SPOCK1: variants seen among roughly 807,000 people sequenced by gnomAD.
The protein encoded by SPOCK1 is testican-1.
SPOCK1 carries 23 observed loss-of-function variants against 55.3 expected under a neutral mutation model. That is an observed-to-expected ratio of 0.42 (90% CI 0.30 to 0.59). The LOEUF is 0.59. Among genes scored for constraint, SPOCK1 ranks in the 20% least tolerant of loss-of-function variants. The pLI, the probability that SPOCK1 is intolerant of heterozygous loss-of-function variation, is 0.22. For synonymous variants in SPOCK1, 226 were observed against 221.0 expected, an observed-to-expected ratio of 1.02 and a Z score of -0.20; for missense variants, 499 against 552.5, an observed-to-expected ratio of 0.90 and a Z score of 0.97.
intron 2 of SPOCK1, among the ~76,000 whole-genome samples, chr5:137,382,586 G>A (rs1439829911): frequency 6.6e-6 from 1 of 152,184 alleles, no homozygotes; most frequent in East Asian, 1.9e-4. Flanking sequence ...AGAAGGTGAA[G>A]GGGAAGCAAG....
intron 2 of SPOCK1, among the ~76,000 whole-genome samples, chr5:137,491,572 C>T (rs1332271919): frequency 6.6e-6 from 1 of 152,124 alleles, no homozygotes; most frequent in Admixed American, 6.6e-5. Context: ...GGACACCAAG[C>T]TATATACAAT....
intron 5 of SPOCK1, among the ~76,000 whole-genome samples, chr5:137,082,003 T>G (rs1036584074): frequency 3.9e-5 from 6 of 152,230 alleles, no homozygotes; most frequent in Non-Finnish European, 7.3e-5. Context: ...TCCCAGAGCC[T>G]GATGAAAGGA....
At position 137,340,271 on chromosome 5, in the gene SPOCK1, A is replaced by G. The variant is rs143082747; in HGVS notation, c.187-73216T>C. Among the ~76,000 whole-genome samples, 283 of 152,242 alleles carry G rather than the reference A, an allele frequency of 1.9e-3. No individual in the cohort carries two copies. The Middle Eastern group carries it at 0.037, about 20-fold the overall frequency. On this transcript the variant is annotated intron_variant, in intron 2 of 10. Coordinates refer to ENST00000394945, the MANE Select transcript of SPOCK1 (RefSeq NM_004598.4). Reference sequence around the variant, plus strand: ...CAGGTGCAATGCATCATTACCTGACACTGGCCGCCTGAACTTTTCTACTGA... The same window carrying G: ...CAGGTGCAATGCATCATTACCTGACGCTGGCCGCCTGAACTTTTCTACTGA...
chr5:137,179,227 C>G (rs1754920787), intron 3 of SPOCK1, among the ~76,000 whole-genome samples: 1 of 152,160 alleles, frequency 6.6e-6, no homozygotes, highest in African/African-American at 2.4e-5. Context: ...CTACCCATAT[C>G]CAGTGAAAAA....
chr5:137,409,837 A>G (rs1287051117), intron 2 of SPOCK1, among the ~76,000 whole-genome samples: 2 of 152,228 alleles, frequency 1.3e-5, no homozygotes, highest in Admixed American at 1.3e-4. Context: ...AGGCTCACTA[A>G]TAAGTGCTGA....
chr5:137,368,832 C>A (rs1351193251), intron 2 of SPOCK1, among the ~76,000 whole-genome samples: 3 of 152,330 alleles, frequency 2.0e-5, no homozygotes, highest in African/African-American at 7.2e-5. Flanking sequence ...TGGTCCGCTC[C>A]CTTATTAATC....
chr5:137,346,919 G>C lies in SPOCK1; in HGVS notation c.187-79864C>G, dbSNP rs74420308. Among the ~76,000 whole-genome samples the C allele has an allele frequency of 0.011, 1,608 of 152,284 alleles. 168 individuals are homozygous for C. In the East Asian group the frequency reaches 0.25, roughly 24 times the overall value. ...GGCAGACTCCAGAATGTGAGAGTCA[G>C]AAAAAGTTACTCAGACCTCCTGCAG... On this transcript the variant is annotated intron_variant, in intron 2 of 10. Coordinates refer to ENST00000394945, the MANE Select transcript of SPOCK1 (RefSeq NM_004598.4).
At chr5:137,084,735 GA>G (rs1255939308) in intron 5 of SPOCK1, among the ~76,000 whole-genome samples, 4 of 152,082 alleles carry the variant, frequency 2.6e-5, no homozygotes, top group African/African-American at 9.6e-5. Context: ...AAACAGAAAA[GA>G]AAAGAGAAGA....
At chr5:137,271,407 ATATT>A (rs1433198314) in intron 2 of SPOCK1, among the ~76,000 whole-genome samples, 3 of 149,018 alleles carry the variant, frequency 2.0e-5, no homozygotes, top group Non-Finnish European at 3.0e-5. Context: ...TATTAAAGAT[ATATT>A]TATTATATAT....
chr5:137,438,650 GCA>G (rs3072679), intron 2 of SPOCK1, among the ~76,000 whole-genome samples: 28 of 150,784 alleles, frequency 1.9e-4, no homozygotes, highest in African/African-American at 5.6e-4. Flanking sequence ...ATTTGCATAT[GCA>G]CACACACACA....
chr5:137,472,383 A>G (rs1291287827), intron 2 of SPOCK1, among the ~76,000 whole-genome samples: 6 of 152,196 alleles, frequency 3.9e-5, no homozygotes, highest in Non-Finnish European at 1.5e-5. Context: ...TGTACAAAAA[A>G]AAAAAAGCTC....
chr5:136,981,094 A>C (rs1228818203), intron 9 of SPOCK1, among the ~76,000 whole-genome samples: 1 of 152,186 alleles, frequency 6.6e-6, no homozygotes, highest in Non-Finnish European at 1.5e-5. Context: ...CCACATGGAA[A>C]ACCCTTAGAA....
chr5:137,267,001 A>G lies in SPOCK1; in HGVS notation c.232+9T>C. On this transcript the variant is annotated intron_variant, in intron 3 of 10. Transcript: ENST00000394945. ...CAGACTATACAGCAAGAAATATTGC[A>G]TCCATTACCTTGGTCAAAGGGCTTG... is the stretch of plus-strand genomic sequence containing the variant. The G allele has an allele frequency of 6.2e-7, 1 of 1,610,684 alleles. No individual in the cohort carries two copies. The highest frequency in any genetic ancestry group is 8.5e-7 in the Non-Finnish European group (1 of 1,176,990).
intron 2 of SPOCK1, among the ~76,000 whole-genome samples, chr5:137,355,195 C>G (rs1750765815): frequency 6.6e-6 from 1 of 151,510 alleles, no homozygotes; most frequent in Non-Finnish European, 1.5e-5. Context: ...GCCACTGTAT[C>G]TGGCCTGTTT....
intron 2 of SPOCK1, among the ~76,000 whole-genome samples, chr5:137,304,493 G>T (rs538319767): frequency 2.0e-5 from 3 of 152,142 alleles, no homozygotes; most frequent in Admixed American, 6.5e-5. Flanking sequence ...TGTGCGGGGC[G>T]GGGGGACAGG....
rs747262418 is a variant in SPOCK1, at chr5:136,977,697, G to T, written c.*957C>A. On this transcript the variant is annotated 3_prime_UTR_variant, in exon 11 of 11. Transcript: ENST00000394945. ...TTGTGAAGCTGCCCGTGTCGTGTGG[G>T]AGTCGCATGGCTTCTGCGAGAAAAG... 1 of 398,198 alleles carries T rather than the reference G, an allele frequency of 2.5e-6. No individual in the cohort carries two copies. The highest frequency in any genetic ancestry group is 4.4e-6 in the Non-Finnish European group (1 of 225,850). 24.7% of individuals were successfully genotyped at this position (398,198 alleles called of 1,614,324 possible). A position where few individuals can be genotyped will look rare whatever the true frequency, so the allele number is the denominator to read the frequency against.
chr5:137,277,580 G>C (rs891451164), intron 2 of SPOCK1, among the ~76,000 whole-genome samples: 7 of 152,160 alleles, frequency 4.6e-5, no homozygotes, highest in Admixed American at 4.6e-4. Context: ...GAAATGGGAG[G>C]TGACAGCACA....
intron 2 of SPOCK1, among the ~76,000 whole-genome samples, chr5:137,345,070 T>G (rs1231680713): frequency 6.6e-6 from 1 of 152,110 alleles, no homozygotes. Flanking sequence ...GTGAATAAAC[T>G]CACACAATAT....
At chr5:137,322,716 A>T (rs1758002327) in intron 2 of SPOCK1, among the ~76,000 whole-genome samples, 1 of 152,226 alleles carries the variant, frequency 6.6e-6, no homozygotes, top group South Asian at 2.1e-4. Context: ...TTACCAAAAA[A>T]AAAATCAAAA....
Sources: allele counts gnomAD v4.1 joint callset (sites outside exome capture counted in the v4.1 genomes callset), GRCh38; gene constraint gnomAD v4.1.1; transcripts MANE v1.5; gene names NCBI Gene and HGNC (gene_info 2026-07-23, HGNC 2026-07-21).